OMA1: variants seen among roughly 807,000 people sequenced by gnomAD.
The protein encoded by OMA1 is metalloendopeptidase OMA1, mitochondrial.
OMA1 carries 38 observed loss-of-function variants against 30.9 expected under a neutral mutation model. The ratio of observed to expected loss-of-function variants is 1.23; its 90% CI spans 0.95 to 1.61. OMA1 has a LOEUF of 1.61. Ranked by LOEUF, OMA1 falls within the 40% of genes most tolerant of loss-of-function variation. OMA1 has a pLI of 0.00. For missense variants in OMA1, 461 were observed against 349.2 expected (o/e 1.32, Z -2.55); for synonymous variants, 173 against 121.9 (o/e 1.42, Z -2.76).
chr1:58,489,093 G>A (rs1016495044), intron 8 of OMA1, among the ~76,000 whole-genome samples: 1 of 152,228 alleles, frequency 6.6e-6, no homozygotes, highest in Non-Finnish European at 1.5e-5. Flanking sequence ...TGGCCAGTGG[G>A]TGCAGGACAG....
At chr1:58,506,345 G>T (rs1455126031) in intron 7 of OMA1, 136 bp from the exon 8 acceptor site, 3 of 560,632 alleles carry the variant, frequency 5.4e-6, no homozygotes, top group Non-Finnish European at 3.1e-6. Flanking sequence ...GTGCAGGTTT[G>T]TTACATACGT....
intron 8 of OMA1, among the ~76,000 whole-genome samples, chr1:58,482,205 G>A (rs1415707830): frequency 1.3e-5 from 2 of 152,180 alleles, no homozygotes; most frequent in African/African-American, 4.8e-5. Flanking sequence ...GTGTGACACT[G>A]GAAAGAGAGG....
At chr1:58,482,848 G>A (rs1000072592) in intron 8 of OMA1, among the ~76,000 whole-genome samples, 6 of 152,054 alleles carry the variant, frequency 3.9e-5, no homozygotes, top group Non-Finnish European at 7.4e-5. Flanking sequence ...CAGGGTGGAG[G>A]GCAGGAGCAG....
rs192975069 is a variant in OMA1 at position 58,518,151 on chromosome 1, A to G, written c.1215+9110T>C. ...CTGTGAGCTGAGATCGCGCCATTGC[A>G]CTCCAGCCTGGGCAACAAAAGTGAA... On this transcript the variant is annotated intron_variant, in intron 7 of 8. Coordinates refer to ENST00000371226, the MANE Select transcript of OMA1 (RefSeq NM_145243.5). Among the ~76,000 whole-genome samples, 28 of 143,300 alleles carry G rather than the reference A, an allele frequency of 2.0e-4. No homozygotes were observed. In the East Asian group the frequency reaches 4.4e-3, roughly 23 times the overall value. 94.0% of individuals were successfully genotyped at this position (143,300 alleles called of 152,430 possible). A position where few individuals can be genotyped will look rare whatever the true frequency, so the allele number is the denominator to read the frequency against.
intron 5 of OMA1, among the ~76,000 whole-genome samples, chr1:58,532,984 C>T (rs1364883077): frequency 6.6e-6 from 1 of 152,302 alleles, no homozygotes; most frequent in South Asian, 2.1e-4. Flanking sequence ...GAATCATTAT[C>T]ATTTCCATTT....
intron 8 of OMA1, among the ~76,000 whole-genome samples, chr1:58,486,624 TA>T (rs1156438231): frequency 2.0e-5 from 3 of 152,054 alleles, no homozygotes; most frequent in Non-Finnish European, 4.4e-5. Flanking sequence ...CACACTAGGG[TA>T]AAAGCCAATA....
At chr1:58,485,229 A>AC (rs1645557116) in intron 8 of OMA1, among the ~76,000 whole-genome samples, 1 of 46,908 alleles carries the variant, frequency 2.1e-5, no homozygotes, top group African/African-American at 1.6e-4. Context: ...GTCTACTACT[A>AC]AAAAAAAAAA....
intron 7 of OMA1, among the ~76,000 whole-genome samples, chr1:58,518,277 G>GGGGAGAGGA (rs1646199064): frequency 4.2e-4 from 1 of 2,400 alleles, no homozygotes; most frequent in Non-Finnish European, 7.7e-4. Context: ...AGAGAGGAGA[G>GGGGAGAGGA]GAGAAGAGAA....
At chr1:58,499,515 TAG>T (rs1349547548) in intron 8 of OMA1, among the ~76,000 whole-genome samples, 2 of 151,894 alleles carry the variant, frequency 1.3e-5, no homozygotes, top group African/African-American at 4.8e-5. Flanking sequence ...GATAAATAGA[TAG>T]ATAGATAGAT....
chr1:58,518,935 G>A (rs756838334), intron 7 of OMA1, among the ~76,000 whole-genome samples: 41 of 152,102 alleles, frequency 2.7e-4, no homozygotes, highest in Non-Finnish European at 5.0e-4. Context: ...GCACAAAAAG[G>A]ATAAATAACT....
At chr1:58,491,872 C>A (rs1404511585) in intron 8 of OMA1, among the ~76,000 whole-genome samples, 3 of 152,168 alleles carry the variant, frequency 2.0e-5, no homozygotes, top group Non-Finnish European at 4.4e-5. Flanking sequence ...AAAAAGTTAA[C>A]AAGGATATCC....
At chr1:58,544,263 T>C (rs1034610670) in intron 1 of OMA1, among the ~76,000 whole-genome samples, 1 of 152,342 alleles carries the variant, frequency 6.6e-6, no homozygotes, top group African/African-American at 2.4e-5. Context: ...ACTGTATTAT[T>C]ATTCATTCAT....
At chr1:58,489,961 C>T (rs1377565506) in intron 8 of OMA1, among the ~76,000 whole-genome samples, 1 of 152,118 alleles carries the variant, frequency 6.6e-6, no homozygotes, top group East Asian at 1.9e-4. Flanking sequence ...TCATCAAAGA[C>T]CAAAGGTAGA....
At chr1:58,536,896 A>G (rs1345358370) in intron 2 of OMA1, among the ~76,000 whole-genome samples, 155 bp from the exon 3 acceptor site, 1 of 152,204 alleles carries the variant, frequency 6.6e-6, no homozygotes, top group Non-Finnish European at 1.5e-5. Flanking sequence ...TAAAATTCTT[A>G]GCTAAATGAT....
chr1:58,519,010 T>C (rs1442703696), intron 7 of OMA1, among the ~76,000 whole-genome samples: 1 of 152,172 alleles, frequency 6.6e-6, no homozygotes, highest in Non-Finnish European at 1.5e-5. Flanking sequence ...GCAGTATGGT[T>C]CCAGAGTTCA....
intron 3 of OMA1, among the ~76,000 whole-genome samples, chr1:58,536,107 T>C (rs1295518509): frequency 1.3e-5 from 2 of 152,000 alleles, no homozygotes; most frequent in East Asian, 1.9e-4. Flanking sequence ...AAAAGTACAG[T>C]ATGCAGAGAA....
chr1:58,495,701 TA>T (rs5774412), intron 8 of OMA1, among the ~76,000 whole-genome samples: 20,925 of 144,812 alleles, frequency 0.14, 1,558 homozygotes, highest in African/African-American at 0.2. Context: ...TCTTCCACCA[TA>T]AAAAAAAAAA....
intron 8 of OMA1, among the ~76,000 whole-genome samples, chr1:58,499,477 T>TATAG (rs60917151): frequency 0.027 from 3,901 of 143,744 alleles, 96 homozygotes; most frequent in Admixed American, 0.032. Flanking sequence ...AAAGCCAGAC[T>TATAG]ATAGATAGAT....
chr1:58,489,322 C>T (rs184204758), intron 8 of OMA1, among the ~76,000 whole-genome samples: 33 of 152,334 alleles, frequency 2.2e-4, no homozygotes, highest in African/African-American at 4.8e-4. Context: ...AAGGGTCCTA[C>T]GCCCACAGAG....
Sources: gnomAD v4.1 joint callset for allele counts (sites outside exome capture counted in the v4.1 genomes callset) on GRCh38, gnomAD v4.1.1 for gene constraint, MANE v1.5 for transcripts, NCBI Gene and HGNC (gene_info 2026-07-23, HGNC 2026-07-21) for gene names.